Variants in SOBP observed in about 807,000 individuals in gnomAD.
SOBP encodes the protein sine oculis-binding protein homolog.
SOBP carries 4 observed loss-of-function variants against 53.6 expected under a neutral mutation model. The ratio of observed to expected loss-of-function variants is 0.07; its 90% CI spans 0.04 to 0.17. The LOEUF is 0.17. Ranked by LOEUF, SOBP falls within the 10% of genes least tolerant of loss-of-function variation. SOBP has a pLI of 1.00. For missense variants in SOBP, 1,088 were observed against 1,204.7 expected, an observed-to-expected ratio of 0.90 and a Z score of 1.43; for synonymous variants, 584 against 522.6, an observed-to-expected ratio of 1.12 and a Z score of -1.60.
chr6:107,615,287 G>A (rs1210048017), intron 5 of SOBP, among the ~76,000 whole-genome samples: 1 of 152,184 alleles, frequency 6.6e-6, no homozygotes, highest in Admixed American at 6.5e-5. Context: ...ATTAGGGTAG[G>A]AGTAATGAAA....
chr6:107,646,145 G>A (rs751385234), intron 6 of SOBP, among the ~76,000 whole-genome samples: 3 of 152,238 alleles, frequency 2.0e-5, no homozygotes, highest in Non-Finnish European at 2.9e-5. Context: ...CTGATGGCAG[G>A]CTAATTGCCA....
At chr6:107,581,070 A>G (rs1336335998) in intron 4 of SOBP, among the ~76,000 whole-genome samples, 1 of 152,244 alleles carries the variant, frequency 6.6e-6, no homozygotes, top group East Asian at 1.9e-4. Flanking sequence ...GCACTAGTCC[A>G]GGATCTGGAC....
rs116918393 is a variant in SOBP, at chr6:107,609,561, G to C, written c.669+22386G>C. Among the ~76,000 whole-genome samples, 692 of 152,324 alleles carry C rather than the reference G, an allele frequency of 4.5e-3. 3 individuals are homozygous for C. The highest frequency in any genetic ancestry group is 7.6e-3 in the Non-Finnish European group (517 of 68,024). On this transcript the variant is annotated intron_variant, in intron 5 of 6. Coordinates refer to ENST00000317357, the MANE Select transcript of SOBP (RefSeq NM_018013.4). ...ATTCTTTGTCTTAAGTCAACTCATG[G>C]TGTAGAATTTGTACTTAACAAGTCA...
At chr6:107,594,834 G>A (rs1785886602) in intron 5 of SOBP, among the ~76,000 whole-genome samples, 1 of 152,222 alleles carries the variant, frequency 6.6e-6, no homozygotes. Flanking sequence ...AAAATGCAGA[G>A]ATGGGATACT....
At chr6:107,627,159 C>T (rs530279076) in intron 5 of SOBP, among the ~76,000 whole-genome samples, 3 of 152,212 alleles carry the variant, frequency 2.0e-5, no homozygotes, top group Admixed American at 6.5e-5. Flanking sequence ...AGAGTTTTGT[C>T]ATGGTATATT....
intron 4 of SOBP, among the ~76,000 whole-genome samples, chr6:107,537,152 C>A (rs915090162): frequency 1.3e-5 from 2 of 152,160 alleles, no homozygotes; most frequent in African/African-American, 4.8e-5. Flanking sequence ...CTTGCTAACA[C>A]CAGTTTTACT....
intron 6 of SOBP, among the ~76,000 whole-genome samples, chr6:107,645,148 GGTGTGTGTGTGTGCAT>G (rs1175919342): frequency 6.6e-6 from 1 of 151,622 alleles, no homozygotes; most frequent in Non-Finnish European, 1.5e-5. Context: ...CTTAGCTCTG[GGTGTGTGTGTGTGCAT>G]GTGTGTGTGT....
chr6:107,550,422 C>T (rs555111408), intron 4 of SOBP, among the ~76,000 whole-genome samples: 2 of 152,290 alleles, frequency 1.3e-5, no homozygotes, highest in African/African-American at 4.8e-5. Context: ...CACATTTATC[C>T]ACTTACGCAT....
chr6:107,578,638 A>G (rs1785312034), intron 4 of SOBP, among the ~76,000 whole-genome samples: 1 of 152,240 alleles, frequency 6.6e-6, no homozygotes, highest in Admixed American at 6.5e-5. Context: ...GAGTGTGTGC[A>G]TTAAATGAGT....
intron 4 of SOBP, among the ~76,000 whole-genome samples, chr6:107,585,506 T>A (rs1785538731): frequency 6.6e-6 from 1 of 152,236 alleles, no homozygotes; most frequent in Non-Finnish European, 1.5e-5. Context: ...CAGTGCCTTG[T>A]AGCCACTGGA....
intron 2 of SOBP, among the ~76,000 whole-genome samples, chr6:107,504,315 G>A (rs377699750): frequency 5.3e-5 from 8 of 152,246 alleles, no homozygotes; most frequent in African/African-American, 1.9e-4. Context: ...CTTGAATAGG[G>A]TAAAAAGAGG....
chr6:107,555,616 C>G (rs1186258041), intron 4 of SOBP, among the ~76,000 whole-genome samples: 1 of 152,218 alleles, frequency 6.6e-6, no homozygotes, highest in Non-Finnish European at 1.5e-5. Context: ...GCACTGCGCC[C>G]TACGTGCAGA....
At chr6:107,643,641 C>T (rs1771426047) in intron 6 of SOBP, among the ~76,000 whole-genome samples, 1 of 151,970 alleles carries the variant, frequency 6.6e-6, no homozygotes, top group South Asian at 2.1e-4. Flanking sequence ...GGATGGTCTC[C>T]ATCTCTTGAC....
intron 4 of SOBP, among the ~76,000 whole-genome samples, chr6:107,577,966 C>T (rs547189242): frequency 1.3e-5 from 2 of 150,342 alleles, no homozygotes; most frequent in Admixed American, 6.7e-5. Flanking sequence ...CCCAGCTACT[C>T]GGGAGGCTGA....
intron 4 of SOBP, among the ~76,000 whole-genome samples, chr6:107,541,996 A>G (rs997694577): frequency 1.3e-5 from 2 of 152,134 alleles, no homozygotes; most frequent in Non-Finnish European, 2.9e-5. Flanking sequence ...GAGCCTGTAT[A>G]CGGCACTAAG....
intron 5 of SOBP, among the ~76,000 whole-genome samples, chr6:107,593,613 T>C (rs1785838863): frequency 6.6e-6 from 1 of 152,174 alleles, no homozygotes; most frequent in Non-Finnish European, 1.5e-5. Flanking sequence ...TCTTTATCAA[T>C]ATGACGAGAA....
intron 5 of SOBP, among the ~76,000 whole-genome samples, chr6:107,612,812 T>G (rs1044226055): frequency 1.3e-5 from 2 of 152,238 alleles, no homozygotes; most frequent in African/African-American, 4.8e-5. Flanking sequence ...TGAATTTGTC[T>G]ATTCTAGATG....
chr6:107,538,059 C>T lies in SOBP; in HGVS notation c.573+4449C>T, dbSNP rs145706786. 5.3e-3 allele frequency among the ~76,000 whole-genome samples: 807 copies of T among 152,236 alleles called. 3 individuals are homozygous for T. Among genetic ancestry groups the T allele is most frequent in the African/African-American group, 0.018 (757 of 41,540 alleles). ...GGAGAATATTCTGTTATTGGCATTT[C>T]TTTTACTTTCAGACTATATTCTTGG... On this transcript the variant is annotated intron_variant, in intron 4 of 6. Coordinates refer to ENST00000317357, the MANE Select transcript of SOBP (RefSeq NM_018013.4).
chr6:107,592,706 A>G (rs988965894), intron 5 of SOBP, among the ~76,000 whole-genome samples: 4 of 152,224 alleles, frequency 2.6e-5, no homozygotes, highest in African/African-American at 7.2e-5. Context: ...AGTCACTGCA[A>G]TAGCCCCACA....
Sources: allele counts gnomAD v4.1 joint callset (sites outside exome capture counted in the v4.1 genomes callset), GRCh38; gene constraint gnomAD v4.1.1; transcripts MANE v1.5; gene names NCBI Gene and HGNC (gene_info 2026-07-23, HGNC 2026-07-21).